The following KLRG1 variants were observed in gnomAD, a reference collection of about 807,000 sequenced individuals.
KLRG1 encodes killer cell lectin like receptor G1.
Under a neutral mutation model 21.8 loss-of-function variants are expected in KLRG1, and 16 were observed. The observed-to-expected ratio is 0.73, with a 90% CI of 0.50 to 1.11. The LOEUF (loss-of-function observed/expected upper bound fraction) is 1.11. KLRG1 is among the 50% of genes most tolerant of loss of function. The pLI, the probability that KLRG1 is intolerant of heterozygous loss-of-function variation, is 0.00. For synonymous variants in KLRG1, 69 were observed against 75.9 expected, an observed-to-expected ratio of 0.91 and a Z score of 0.47; for missense variants, 173 against 218.3, an observed-to-expected ratio of 0.79 and a Z score of 1.31.
At chr12:9,061,454 A>C in the KLRG1 span, among the ~76,000 whole-genome samples, 2 of 152,144 alleles carry the variant, frequency 1.3e-5, no homozygotes, top group Admixed American at 6.5e-5. Flanking sequence ...TATAATTTTA[A>C]AAAGACCAGA....
the KLRG1 span, chr12:9,110,271 T>A: frequency 7.2e-7 from 1 of 1,397,174 alleles, no homozygotes; most frequent in Non-Finnish European, 9.8e-7. Context: ...TTTCCCTATA[T>A]GTATTGCTTT....
At chr12:8,970,123 A>G (rs1358165553) in intron 1 of KLRG1, among the ~76,000 whole-genome samples, 1 of 152,232 alleles carries the variant, frequency 6.6e-6, no homozygotes, top group Non-Finnish European at 1.5e-5. Context: ...CTCAAAAAAC[A>G]AAACAAAACA....
chr12:8,968,898 T>C (rs1205607003), intron 1 of KLRG1, among the ~76,000 whole-genome samples: 29 of 152,200 alleles, frequency 1.9e-4, no homozygotes, highest in Admixed American at 1.9e-3. Flanking sequence ...ATATTTTGAA[T>C]TGAACAAAAA....
At chr12:8,992,765 T>C (rs1266729279) in intron 2 of KLRG1, among the ~76,000 whole-genome samples, 1 of 152,058 alleles carries the variant, frequency 6.6e-6, no homozygotes, top group Non-Finnish European at 1.5e-5. Flanking sequence ...CTCAAACTCC[T>C]GGGCTCAAGC....
the KLRG1 span, chr12:9,182,132 G>GAGTCAGACAAAATGGTCATA: frequency 6.4e-7 from 1 of 1,554,332 alleles, no homozygotes; most frequent in Non-Finnish European, 8.7e-7. Context: ...AACATGGAGA[G>GAGTCAGACAAAATGGTCATA]AGTGAGACAA....
At chr12:9,106,358 A>G in the KLRG1 span, 3 of 1,568,192 alleles carry the variant, frequency 1.9e-6, no homozygotes, top group African/African-American at 4.1e-5. Flanking sequence ...GAAAAAAGAG[A>G]AAAAAATCTG....
chr12:9,147,953 G>C, the KLRG1 span, among the ~76,000 whole-genome samples: 36 of 151,362 alleles, frequency 2.4e-4, no homozygotes, highest in African/African-American at 8.7e-4. Flanking sequence ...ATTTATCCCT[G>C]TTTCTGTAGA....
At chr12:8,969,461 T>G (rs998785955) in intron 1 of KLRG1, among the ~76,000 whole-genome samples, 2 of 151,910 alleles carry the variant, frequency 1.3e-5, no homozygotes, top group African/African-American at 4.8e-5. Flanking sequence ...GTTGCAGGCT[T>G]CTCCTTGGCA....
the KLRG1 span, among the ~76,000 whole-genome samples, chr12:9,088,610 C>T: frequency 5.9e-5 from 9 of 152,170 alleles, no homozygotes; most frequent in African/African-American, 2.2e-4. Flanking sequence ...GATGTTGATT[C>T]AATGTTGGTT....
the KLRG1 span, chr12:9,090,158 A>T: frequency 2.5e-5 from 35 of 1,386,278 alleles, no homozygotes; most frequent in African/African-American, 4.3e-5. Context: ...GAAACATGCA[A>T]ATGAGAGGTG....
the KLRG1 span, among the ~76,000 whole-genome samples, chr12:9,138,590 A>G: frequency 3.9e-5 from 6 of 152,120 alleles, no homozygotes; most frequent in East Asian, 1.2e-3. Flanking sequence ...TTTTTAAAAA[A>G]ATGTGTATTA....
the KLRG1 span, among the ~76,000 whole-genome samples, chr12:9,165,871 G>A: frequency 1.3e-5 from 2 of 152,162 alleles, no homozygotes; most frequent in Non-Finnish European, 2.9e-5. Context: ...GAATTGCTCA[G>A]CACTGAGACA....
chr12:9,151,202 G>A, the KLRG1 span, among the ~76,000 whole-genome samples: 4 of 151,888 alleles, frequency 2.6e-5, no homozygotes, highest in African/African-American at 9.7e-5. Context: ...CAACCACTGG[G>A]GTCATATTTA....
the KLRG1 span, among the ~76,000 whole-genome samples, chr12:9,181,583 G>C: frequency 5.3e-5 from 8 of 152,272 alleles, no homozygotes; most frequent in Admixed American, 4.6e-4. Flanking sequence ...GTCCTAAGGA[G>C]ATAACTGAGG....
chr12:9,084,903 CTT>C, the KLRG1 span, among the ~76,000 whole-genome samples: 2 of 151,944 alleles, frequency 1.3e-5, no homozygotes, highest in Non-Finnish European at 2.9e-5. Context: ...ACAAAACAGA[CTT>C]AAAGTCAAAA....
chr12:8,976,092 A>G (rs1446629466), intron 1 of KLRG1, among the ~76,000 whole-genome samples: 1 of 151,966 alleles, frequency 6.6e-6, no homozygotes, highest in Non-Finnish European at 1.5e-5. Context: ...TTTTGAATGT[A>G]GATGTTTATT....
the KLRG1 span, among the ~76,000 whole-genome samples, chr12:9,214,911 T>A: frequency 2.0e-5 from 3 of 148,792 alleles, no homozygotes; most frequent in South Asian, 2.1e-4. Context: ...TAAAAAAAAA[T>A]TTTTAAGTCA....
chr12:9,101,056 A>G, the KLRG1 span: 3 of 1,281,700 alleles, frequency 2.3e-6, no homozygotes, highest in Non-Finnish European at 3.2e-6. Context: ...ACCTATGGAA[A>G]AAAAGGGAAA....
the KLRG1 span, among the ~76,000 whole-genome samples, chr12:9,042,773 A>C: frequency 8.6e-5 from 13 of 151,506 alleles, no homozygotes; most frequent in African/African-American, 2.9e-4. Flanking sequence ...TCAAACTTTT[A>C]TAGTCAGGAA....
Sources: allele counts gnomAD v4.1 joint callset (sites outside exome capture counted in the v4.1 genomes callset), GRCh38; gene constraint gnomAD v4.1.1; transcripts MANE v1.5; gene names NCBI Gene and HGNC (gene_info 2026-07-23, HGNC 2026-07-21).